Variants in THSD7B observed in about 807,000 individuals in gnomAD.
The protein encoded by THSD7B is thrombospondin type-1 domain-containing protein 7B.
In THSD7B, 138 loss-of-function variants were observed where a neutral mutation model predicts 213.6. The observed-to-expected ratio is 0.65, with a 90% CI of 0.56 to 0.74. The LOEUF (loss-of-function observed/expected upper bound fraction) is 0.74, where lower values mean the gene tolerates loss of function less well. Among genes scored for constraint, THSD7B ranks in the 30% least tolerant of loss-of-function variants. The pLI is 0.00. For missense variants in THSD7B, 1,931 were observed against 1,991.5 expected, an observed-to-expected ratio of 0.97 and a Z score of 0.58; for synonymous variants, 742 against 687.0, an observed-to-expected ratio of 1.08 and a Z score of -1.25.
intron 3 of THSD7B, among the ~76,000 whole-genome samples, chr2:137,086,454 C>T (rs943342222): frequency 1.3e-5 from 2 of 152,304 alleles, no homozygotes; most frequent in Middle Eastern, 3.4e-3. Context: ...CCAACTCCTG[C>T]TTCTGTCTCC....
chr2:137,637,195 T>A (rs1349090383), intron 20 of THSD7B, among the ~76,000 whole-genome samples: 2 of 152,234 alleles, frequency 1.3e-5, no homozygotes, highest in African/African-American at 4.8e-5. Flanking sequence ...CCATCCTTTC[T>A]GAGATCTGGC....
At chr2:137,428,932 T>C (rs1378623446) in intron 14 of THSD7B, among the ~76,000 whole-genome samples, 4 of 152,186 alleles carry the variant, frequency 2.6e-5, no homozygotes, top group Non-Finnish European at 5.9e-5. Context: ...TGTCACTTTT[T>C]TCCCCTTCTG....
chr2:137,359,740 C>T (rs1685211988), intron 12 of THSD7B, among the ~76,000 whole-genome samples: 1 of 152,134 alleles, frequency 6.6e-6, no homozygotes, highest in South Asian at 2.1e-4. Flanking sequence ...ACCAGATGCT[C>T]TTTTTAGATG....
chr2:137,004,216 G>A (rs1217570797), intron 2 of THSD7B, among the ~76,000 whole-genome samples: 1 of 151,180 alleles, frequency 6.6e-6, no homozygotes, highest in African/African-American at 2.4e-5. Context: ...AGAAGTCTAT[G>A]CATTTATACA....
At position 137,232,913 on chromosome 2, in the gene THSD7B, C is replaced by T. The variant is rs755824865; in HGVS notation, c.1930C>T (p.Pro644Ser). Residue 644 changes from proline to serine, a missense_variant, in exon 9 of 28, where the codon CCC becomes TCC. Transcript: ENST00000409968. ...ATTTTTGGCAGGTGGAAAGCCATGT[C>T]CCCCTAGTCAGGCTCTCCAAGAGCA... The part of the protein sequence containing the change: ...ALAGEGGKPC[P>S]PSQALQEHRL... 2 of 1,613,856 alleles carry T rather than the reference C, an allele frequency of 1.2e-6. No homozygotes were observed. The highest frequency in any genetic ancestry group is 1.7e-6 in the Non-Finnish European group (2 of 1,179,776).
intron 17 of THSD7B, among the ~76,000 whole-genome samples, chr2:137,601,594 T>A (rs1682077018): frequency 6.6e-6 from 1 of 152,346 alleles, no homozygotes; most frequent in African/African-American, 2.4e-5. Flanking sequence ...TGCCTAATGA[T>A]GGATTTCTCA....
intron 12 of THSD7B, among the ~76,000 whole-genome samples, chr2:137,298,209 G>A (rs1192679118): frequency 6.6e-6 from 1 of 152,106 alleles, no homozygotes; most frequent in South Asian, 2.1e-4. Context: ...CCCTTGTTAT[G>A]TTTTAGCAAA....
chr2:137,308,464 G>T (rs1173022244), intron 12 of THSD7B, among the ~76,000 whole-genome samples: 1 of 151,862 alleles, frequency 6.6e-6, no homozygotes, highest in Non-Finnish European at 1.5e-5. Flanking sequence ...ATGTAAGAAG[G>T]TTTATTTTAG....
In THSD7B at chr2:137,242,490, C is replaced by T. The variant is rs1372828304; in HGVS notation, c.2184C>T (p.Arg728=). 6.2e-6 allele frequency: 10 copies of T among 1,613,838 alleles called. No homozygotes were observed. Among genetic ancestry groups the T allele is most frequent in the South Asian group, 5.5e-5 (5 of 91,078 alleles). The part of the protein sequence containing the change: ...CPDSTRPETV[R]PCFLPCKKDC... ...ATTCTACTCGACCTGAAACTGTGCG[C>T]CCCTGTTTTCTCCCATGCAAAAAAG... Residue 728 remains arginine, a synonymous_variant, in exon 10 of 28, where the codon CGC becomes CGT. Transcript: ENST00000409968.
At chr2:136,960,053 A>C (rs1285103743) in intron 2 of THSD7B, among the ~76,000 whole-genome samples, 1 of 152,202 alleles carries the variant, frequency 6.6e-6, no homozygotes, top group African/African-American at 2.4e-5. Flanking sequence ...CAAATGAACC[A>C]TTTGTGTATT....
chr2:136,814,712 T>C (rs1358096356), intron 1 of THSD7B, among the ~76,000 whole-genome samples: 1 of 152,218 alleles, frequency 6.6e-6, no homozygotes, highest in Non-Finnish European at 1.5e-5. Flanking sequence ...ATTTTTTATA[T>C]ATGCAAAGAA....
chr2:137,235,585 A>G (rs1031417059), intron 9 of THSD7B, among the ~76,000 whole-genome samples: 1 of 152,208 alleles, frequency 6.6e-6, no homozygotes, highest in Admixed American at 6.5e-5. Flanking sequence ...ATTACTTTGA[A>G]TCACAGTTTC....
intron 3 of THSD7B, among the ~76,000 whole-genome samples, chr2:137,092,035 A>G (rs1375562071): frequency 6.6e-6 from 1 of 152,290 alleles, no homozygotes; most frequent in East Asian, 1.9e-4. Flanking sequence ...CCAGGCCCCA[A>G]AATTGTCACA....
At chr2:137,219,362 T>C (rs1558962892) in intron 7 of THSD7B, among the ~76,000 whole-genome samples, 2 of 152,138 alleles carry the variant, frequency 1.3e-5, no homozygotes, top group Admixed American at 1.3e-4. Context: ...AATTCTTAGA[T>C]GTTGATGAGC....
At chr2:136,874,862 G>A (rs1683500064) in intron 1 of THSD7B, among the ~76,000 whole-genome samples, 1 of 152,134 alleles carries the variant, frequency 6.6e-6, no homozygotes, top group African/African-American at 2.4e-5. Context: ...AAGCCATCGT[G>A]GGTAGCACAT....
Position 137,394,047 on chromosome 2 carries a change from G to C in THSD7B, c.2501-11566G>C, listed in dbSNP as rs543283936. ...TGTAAATTTGTTTGAGTTCATTGTAGATTCTGGATATTAGCCCTTTGTCAG... is the reference window on the plus strand; with the variant it reads ...TGTAAATTTGTTTGAGTTCATTGTACATTCTGGATATTAGCCCTTTGTCAG... On this transcript the variant is annotated intron_variant, in intron 12 of 27. Transcript: ENST00000409968. Among the ~76,000 whole-genome samples, 65 of 129,548 alleles carry C rather than the reference G, an allele frequency of 5.0e-4. 3 individuals are homozygous for C. The highest frequency in any genetic ancestry group is 1.2e-3 in the South Asian group (4 of 3,432). 85.0% of individuals were successfully genotyped at this position (129,548 alleles called of 152,430 possible). A position where few individuals can be genotyped will look rare whatever the true frequency, so the allele number is the denominator to read the frequency against.
chr2:136,811,127 G>A (rs1302052309), intron 1 of THSD7B, among the ~76,000 whole-genome samples: 3 of 152,146 alleles, frequency 2.0e-5, no homozygotes, highest in African/African-American at 7.2e-5. Context: ...CTCTACACAG[G>A]AATGGGCCCT....
intron 7 of THSD7B, among the ~76,000 whole-genome samples, chr2:137,178,272 C>T (rs1220571427): frequency 6.6e-6 from 1 of 151,360 alleles, no homozygotes; most frequent in Non-Finnish European, 1.5e-5. Context: ...CTTGCAGGAA[C>T]AGAAGACACG....
chr2:137,673,263 C>T (rs562087013), intron 27 of THSD7B, among the ~76,000 whole-genome samples: 15 of 152,026 alleles, frequency 9.9e-5, no homozygotes, highest in Non-Finnish European at 2.2e-4. Flanking sequence ...AAAGAGGTAA[C>T]TTTAAAATGT....
Sources: gnomAD v4.1 joint callset for allele counts (sites outside exome capture counted in the v4.1 genomes callset) on GRCh38, gnomAD v4.1.1 for gene constraint, MANE v1.5 for transcripts, NCBI Gene and HGNC (gene_info 2026-07-23, HGNC 2026-07-21) for gene names.